GPC6: variants seen among roughly 807,000 people sequenced by gnomAD.
GPC6 encodes glypican-6.
In GPC6, 14 loss-of-function variants were observed where a neutral mutation model predicts 55.2. That is an observed-to-expected ratio of 0.25 (90% confidence interval 0.17 to 0.40). GPC6 has a LOEUF of 0.40. GPC6 is among the 10% of genes least tolerant of loss of function. The pLI, the probability that GPC6 is intolerant of heterozygous loss-of-function variation, is 1.00. For missense variants in GPC6, 641 were observed against 708.5 expected, an observed-to-expected ratio of 0.90 and a Z score of 1.08; for synonymous variants, 278 against 259.6, an observed-to-expected ratio of 1.07 and a Z score of -0.68.
chr13:93,987,794 T>A (rs1327297985), intron 3 of GPC6, among the ~76,000 whole-genome samples: 2 of 152,192 alleles, frequency 1.3e-5, no homozygotes. Context: ...TATTCTTTGC[T>A]TTATTATTAC....
intron 3 of GPC6, among the ~76,000 whole-genome samples, chr13:93,981,530 G>A (rs1880802928): frequency 6.6e-6 from 1 of 152,022 alleles, no homozygotes; most frequent in Non-Finnish European, 1.5e-5. Context: ...CTCAGAAAAT[G>A]GAATTTATTA....
chr13:94,021,670 TA>T (rs1181024092), intron 3 of GPC6, among the ~76,000 whole-genome samples: 1 of 152,134 alleles, frequency 6.6e-6, no homozygotes, highest in Non-Finnish European at 1.5e-5. Flanking sequence ...TGATTTTTGT[TA>T]TTTTATTTAC....
rs1305180205 is a variant in GPC6 at position 93,234,401 on chromosome 13, G to T, written c.160+6785G>T. Among the ~76,000 whole-genome samples, 6 of 152,084 alleles carry T rather than the reference G, an allele frequency of 3.9e-5. No individual in the cohort carries two copies. In the East Asian group the frequency reaches 1.2e-3, roughly 29 times the overall value. ...CCTCAAACTCACTACAGTGACTTTG[G>T]CCTTTAGCCTGAGTCCCTTAACAAG... On this transcript the variant is annotated intron_variant, in intron 1 of 8. Coordinates refer to ENST00000377047, the MANE Select transcript of GPC6 (RefSeq NM_005708.5).
intron 2 of GPC6, among the ~76,000 whole-genome samples, chr13:93,735,544 G>C (rs1431297620): frequency 1.3e-5 from 2 of 151,402 alleles, no homozygotes; most frequent in Non-Finnish European, 2.9e-5. Context: ...AGAAGAAGAA[G>C]ATGTCCAAGG....
chr13:93,404,031 A>C (rs993377269), intron 1 of GPC6, among the ~76,000 whole-genome samples: 2 of 152,034 alleles, frequency 1.3e-5, no homozygotes, highest in African/African-American at 4.8e-5. Context: ...CCTGGGAGAG[A>C]GCTCAGATTT....
At chr13:93,697,178 A>C (rs973549956) in intron 2 of GPC6, among the ~76,000 whole-genome samples, 2 of 152,096 alleles carry the variant, frequency 1.3e-5, no homozygotes, top group African/African-American at 4.8e-5. Context: ...TTTGGATATC[A>C]GCTCTCACTT....
chr13:94,226,885 A>G (rs1388941329), intron 4 of GPC6, among the ~76,000 whole-genome samples: 1 of 152,168 alleles, frequency 6.6e-6, no homozygotes, highest in Non-Finnish European at 1.5e-5. Context: ...TGTGAAAACA[A>G]TGGCTTGTCT....
At chr13:93,969,286 G>C (rs1487117018) in intron 3 of GPC6, among the ~76,000 whole-genome samples, 3 of 152,136 alleles carry the variant, frequency 2.0e-5, no homozygotes, top group Admixed American at 2.0e-4. Flanking sequence ...GAGATGTGAT[G>C]GGGCTTTAGA....
rs188560039 is a variant in GPC6, at chr13:93,950,336, C to G, written c.712-77393C>G. ...TGATAGTAACTGGTGATATTTATAT[C>G]TAACTTTTAGGAGAAAGGGTACCTA... On this transcript the variant is annotated intron_variant, in intron 3 of 8. Coordinates refer to ENST00000377047, the MANE Select transcript of GPC6 (RefSeq NM_005708.5). Among the ~76,000 whole-genome samples the G allele has an allele frequency of 9.7e-4, 147 of 152,176 alleles. 1 individual carries two copies. The highest frequency in any genetic ancestry group is 3.4e-3 in the African/African-American group (141 of 41,528).
At chr13:93,495,054 A>T (rs1417901725) in intron 1 of GPC6, among the ~76,000 whole-genome samples, 2 of 116,358 alleles carry the variant, frequency 1.7e-5, no homozygotes, top group Non-Finnish European at 3.6e-5. Flanking sequence ...GTATTTCCTG[A>T]ATCTGAACGT....
At position 93,932,630 on chromosome 13, in the gene GPC6, T is replaced by C. The variant is rs75719999; in HGVS notation, c.712-95099T>C. On this transcript the variant is annotated intron_variant, in intron 3 of 8. Transcript: ENST00000377047. Reference sequence around the variant, plus strand: ...GGAAAATAAATGAAACATCTCATGGTAGGTGGGAAAAACCCAGATTTTGCA... The same window carrying C: ...GGAAAATAAATGAAACATCTCATGGCAGGTGGGAAAAACCCAGATTTTGCA... Among the ~76,000 whole-genome samples the C allele has an allele frequency of 6.5e-3, 987 of 152,252 alleles. 6 individuals carry two copies. The highest frequency in any genetic ancestry group is 0.01 in the Middle Eastern group (3 of 294).
chr13:93,217,241 TAGTTTA>T, the GPC6 span, among the ~76,000 whole-genome samples: 1 of 152,248 alleles, frequency 6.6e-6, no homozygotes, highest in Non-Finnish European at 1.5e-5. Flanking sequence ...ATTTACAAAA[TAGTTTA>T]AGTTCTTTCA....
At chr13:94,159,736 A>G (rs142025343) in intron 4 of GPC6, among the ~76,000 whole-genome samples, 2 of 152,328 alleles carry the variant, frequency 1.3e-5, no homozygotes, top group East Asian at 1.9e-4. Flanking sequence ...ATATATACTT[A>G]CATGTCTAAG....
At chr13:93,464,633 G>A (rs755558946) in intron 1 of GPC6, among the ~76,000 whole-genome samples, 2 of 152,072 alleles carry the variant, frequency 1.3e-5, no homozygotes, top group Non-Finnish European at 2.9e-5. Context: ...CATGTCTCTG[G>A]TGATTTTCTC....
At chr13:93,928,399 C>A (rs562310699) in intron 3 of GPC6, among the ~76,000 whole-genome samples, 3 of 151,798 alleles carry the variant, frequency 2.0e-5, no homozygotes, top group African/African-American at 7.3e-5. Context: ...GCTTATATAG[C>A]GATTCATATA....
intron 2 of GPC6, among the ~76,000 whole-genome samples, chr13:93,546,578 AC>A (rs1434520258): frequency 1.3e-5 from 2 of 152,300 alleles, no homozygotes; most frequent in South Asian, 4.1e-4. Context: ...CTTGTGTATA[AC>A]TATATGTGGA....
chr13:94,160,597 T>G (rs1472139017), intron 4 of GPC6, among the ~76,000 whole-genome samples: 1 of 152,256 alleles, frequency 6.6e-6, no homozygotes, highest in Non-Finnish European at 1.5e-5. Flanking sequence ...GCACAACACC[T>G]GGTGAAGTGT....
At chr13:94,399,532 G>A (rs932451951) in intron 8 of GPC6, among the ~76,000 whole-genome samples, 1 of 152,192 alleles carries the variant, frequency 6.6e-6, no homozygotes, top group African/African-American at 2.4e-5. Context: ...CATAAGATGT[G>A]AAGTTGCCAG....
chr13:93,994,581 T>C (rs952431522), intron 3 of GPC6, among the ~76,000 whole-genome samples: 3 of 152,152 alleles, frequency 2.0e-5, no homozygotes, highest in Non-Finnish European at 4.4e-5. Context: ...GAGATGGAAA[T>C]TAGGATATGT....
Sources: allele counts gnomAD v4.1 joint callset (sites outside exome capture counted in the v4.1 genomes callset), GRCh38; gene constraint gnomAD v4.1.1; transcripts MANE v1.5; gene names NCBI Gene and HGNC (gene_info 2026-07-23, HGNC 2026-07-21).